FHIT: variants seen among roughly 807,000 people sequenced by gnomAD.
The protein encoded by FHIT is fragile histidine triad diadenosine triphosphatase, also known as bis(5'-adenosyl)-triphosphatase.
FHIT carries 19 observed loss-of-function variants against 17.9 expected under a neutral mutation model. The observed-to-expected ratio is 1.06, with a 90% CI of 0.74 to 1.56. The LOEUF (loss-of-function observed/expected upper bound fraction) is 1.56. Among genes scored for constraint, FHIT ranks in the 40% most tolerant of loss-of-function variants. FHIT has a pLI of 0.00. For missense variants in FHIT, 248 were observed against 189.2 expected, an observed-to-expected ratio of 1.31 and a Z score of -1.82; for synonymous variants, 81 against 69.7, an observed-to-expected ratio of 1.16 and a Z score of -0.81.
chr3:60,297,715 G>A (rs1213325516), intron 5 of FHIT, among the ~76,000 whole-genome samples: 1 of 152,032 alleles, frequency 6.6e-6, no homozygotes, highest in Non-Finnish European at 1.5e-5. Flanking sequence ...AAATACTAAA[G>A]TGTTTTCCTA....
chr3:61,129,750 A>G (rs1391433816), intron 2 of FHIT, among the ~76,000 whole-genome samples: 6 of 152,218 alleles, frequency 3.9e-5, no homozygotes, highest in African/African-American at 1.2e-4. Context: ...CTGAAAAAGT[A>G]CTTAGGGTAA....
chr3:60,293,205 G>T lies in FHIT; in HGVS notation c.103+243655C>A, dbSNP rs78840548. On this transcript the variant is annotated intron_variant, in intron 5 of 9. Coordinates refer to ENST00000492590, the MANE Select transcript of FHIT (RefSeq NM_002012.4). ...TGAGAAAGAAGAGGAGCCTAAATATGATATAGGGTCATTAATTTTAATGAT... is the reference window on the plus strand; with the variant it reads ...TGAGAAAGAAGAGGAGCCTAAATATTATATAGGGTCATTAATTTTAATGAT... 3.7e-3 allele frequency among the ~76,000 whole-genome samples: 561 copies of T among 152,188 alleles called. 13 individuals are homozygous for T. In the South Asian group the frequency reaches 0.051, roughly 14 times the overall value.
intron 5 of FHIT, among the ~76,000 whole-genome samples, chr3:60,409,378 G>A (rs549339956): frequency 6.6e-6 from 1 of 152,312 alleles, no homozygotes; most frequent in East Asian, 1.9e-4. Flanking sequence ...AGACCAATCT[G>A]TGGAGTTCGT....
intron 5 of FHIT, among the ~76,000 whole-genome samples, chr3:60,290,549 G>A (rs951882625): frequency 6.6e-6 from 1 of 152,024 alleles, no homozygotes; most frequent in Non-Finnish European, 1.5e-5. Flanking sequence ...GAAGTGGAAT[G>A]TCTCTAATCC....
intron 5 of FHIT, among the ~76,000 whole-genome samples, chr3:60,224,311 T>C (rs1002910726): frequency 3.9e-5 from 6 of 152,110 alleles, no homozygotes; most frequent in African/African-American, 1.4e-4. Context: ...TGTCCCAACC[T>C]GATCCTGATG....
chr3:60,883,052 C>T (rs1404981834), intron 3 of FHIT, among the ~76,000 whole-genome samples: 1 of 151,928 alleles, frequency 6.6e-6, no homozygotes, highest in African/African-American at 2.4e-5. Context: ...AAATCAGTAC[C>T]ATTTCTATAC....
At chr3:59,846,352 C>A (rs1701719973) in intron 8 of FHIT, among the ~76,000 whole-genome samples, 1 of 152,102 alleles carries the variant, frequency 6.6e-6, no homozygotes, top group African/African-American at 2.4e-5. Flanking sequence ...AGCTTAACTT[C>A]TATAACATAT....
At chr3:60,424,914 CAGT>C (rs1702608430) in intron 5 of FHIT, among the ~76,000 whole-genome samples, 1 of 152,112 alleles carries the variant, frequency 6.6e-6, no homozygotes, top group South Asian at 2.1e-4. Context: ...AAGTTTTTAT[CAGT>C]AGTCACCTTC....
At chr3:60,340,678 T>G (rs1710472711) in intron 5 of FHIT, among the ~76,000 whole-genome samples, 1 of 152,162 alleles carries the variant, frequency 6.6e-6, no homozygotes, top group African/African-American at 2.4e-5. Context: ...CAACACAGGT[T>G]TTAACTGTGA....
intron 5 of FHIT, among the ~76,000 whole-genome samples, chr3:60,175,864 TA>T (rs1701646573): frequency 1.3e-5 from 2 of 152,044 alleles, no homozygotes; most frequent in South Asian, 4.1e-4. Flanking sequence ...GTACAACCCA[TA>T]GAAACCATGA....
chr3:60,412,192 TAGTG>T (rs1213472363), intron 5 of FHIT, among the ~76,000 whole-genome samples: 3 of 151,986 alleles, frequency 2.0e-5, no homozygotes, highest in African/African-American at 7.2e-5. Context: ...GTGGGCAACA[TAGTG>T]AGACTCCCAT....
intron 4 of FHIT, among the ~76,000 whole-genome samples, chr3:60,750,051 C>T (rs1221919067): frequency 6.6e-6 from 1 of 152,126 alleles, no homozygotes; most frequent in African/African-American, 2.4e-5. Flanking sequence ...AGCCATATAA[C>T]TAGTAGACAA....
chr3:60,874,204 T>C (rs1425839301), intron 3 of FHIT, among the ~76,000 whole-genome samples: 1 of 152,182 alleles, frequency 6.6e-6, no homozygotes, highest in Non-Finnish European at 1.5e-5. Flanking sequence ...TTTAAAATAA[T>C]TTAATAAAAT....
At chr3:61,085,381 C>T (rs1348987374) in intron 2 of FHIT, among the ~76,000 whole-genome samples, 1 of 152,062 alleles carries the variant, frequency 6.6e-6, no homozygotes, top group African/African-American at 2.4e-5. Flanking sequence ...AATAATATTT[C>T]ATACTATTCC....
intron 1 of FHIT, among the ~76,000 whole-genome samples, chr3:61,209,641 G>A (rs189033915): frequency 1.2e-3 from 186 of 152,218 alleles, no homozygotes; most frequent in African/African-American, 3.9e-3. Context: ...CGTGGTTCTC[G>A]TGCCTTGGTT....
At position 60,085,461 on chromosome 3, in the gene FHIT, C is replaced by T. The variant is rs142960711; in HGVS notation, c.104-71309G>A. ...ACTAACTGATGCATGTGTATATATT[C>T]CAAGATGTTTAATATTGCTTTCCTG... On this transcript the variant is annotated intron_variant, in intron 5 of 9. Coordinates refer to ENST00000492590, the MANE Select transcript of FHIT (RefSeq NM_002012.4). Among the ~76,000 whole-genome samples the T allele has an allele frequency of 1.3e-4, 20 of 152,252 alleles. No individual in the cohort carries two copies. In the East Asian group the frequency reaches 3.5e-3, roughly 26 times the overall value.
intron 5 of FHIT, among the ~76,000 whole-genome samples, chr3:60,125,499 G>A (rs1315800837): frequency 6.6e-6 from 1 of 151,888 alleles, no homozygotes; most frequent in African/African-American, 2.4e-5. Flanking sequence ...AGGTGTGGTG[G>A]TGCATGCCTG....
chr3:60,313,076 G>C (rs755065543), intron 5 of FHIT, among the ~76,000 whole-genome samples: 65 of 152,176 alleles, frequency 4.3e-4, no homozygotes, highest in Non-Finnish European at 8.7e-4. Context: ...TTGCTTGAGA[G>C]TGGAGGGACA....
intron 8 of FHIT, among the ~76,000 whole-genome samples, chr3:59,829,449 G>C (rs190825266): frequency 5.3e-5 from 8 of 152,250 alleles, no homozygotes; most frequent in African/African-American, 1.7e-4. Flanking sequence ...AGATCTGTGG[G>C]AGAAAACATG....
Sources: gnomAD v4.1 joint callset for allele counts (sites outside exome capture counted in the v4.1 genomes callset) on GRCh38, gnomAD v4.1.1 for gene constraint, MANE v1.5 for transcripts, NCBI Gene and HGNC (gene_info 2026-07-23, HGNC 2026-07-21) for gene names.